ADAMTS12: variants seen among roughly 807,000 people sequenced by gnomAD.
ADAMTS12 encodes A disintegrin and metalloproteinase with thrombospondin motifs 12.
Under a neutral mutation model 167.8 loss-of-function variants are expected in ADAMTS12, and 118 were observed. The ratio of observed to expected loss-of-function variants is 0.70; its 90% CI spans 0.61 to 0.82. The LOEUF (loss-of-function observed/expected upper bound fraction) is 0.82. Among genes scored for constraint, ADAMTS12 ranks in the 40% least tolerant of loss-of-function variants. The pLI is 0.00. For synonymous variants in ADAMTS12, 704 were observed against 716.9 expected, an observed-to-expected ratio of 0.98 and a Z score of 0.29; for missense variants, 1,916 against 1,998.8, an observed-to-expected ratio of 0.96 and a Z score of 0.79.
chr5:33,602,877 A>T (rs1738256684), intron 16 of ADAMTS12, among the ~76,000 whole-genome samples: 1 of 152,218 alleles, frequency 6.6e-6, no homozygotes, highest in Non-Finnish European at 1.5e-5. Context: ...GAACAGTCAA[A>T]CAATCTCCAG....
At chr5:33,595,826 A>G in intron 17 of ADAMTS12, 108 bp downstream of exon 17, 1 of 1,491,750 alleles carries the variant, frequency 6.7e-7, no homozygotes. Flanking sequence ...GTATTTATCC[A>G]AATAACAAAA....
At chr5:33,611,438 T>G (rs1317437903) in intron 16 of ADAMTS12, among the ~76,000 whole-genome samples, 1 of 152,140 alleles carries the variant, frequency 6.6e-6, no homozygotes, top group Non-Finnish European at 1.5e-5. Flanking sequence ...CATTCTCTAT[T>G]TTGCTAATAT....
At chr5:33,619,975 G>A (rs1305220403) in intron 14 of ADAMTS12, among the ~76,000 whole-genome samples, 1 of 152,184 alleles carries the variant, frequency 6.6e-6, no homozygotes, top group East Asian at 1.9e-4. Context: ...TTACAGGCGT[G>A]AGCCACTGCA....
chr5:33,865,839 T>G (rs540489435), intron 2 of ADAMTS12, among the ~76,000 whole-genome samples: 8 of 152,068 alleles, frequency 5.3e-5, no homozygotes, highest in Non-Finnish European at 1.0e-4. Context: ...GAGAATCAAA[T>G]CAAGAACTCA....
intron 2 of ADAMTS12, among the ~76,000 whole-genome samples, chr5:33,775,688 G>T (rs112315344): frequency 0.015 from 2,215 of 152,290 alleles, 22 homozygotes; most frequent in Middle Eastern, 0.027. Context: ...GCATTGAAGA[G>T]GGTAGGACAG....
At chr5:33,792,459 T>C (rs1746614124) in intron 2 of ADAMTS12, among the ~76,000 whole-genome samples, 1 of 152,256 alleles carries the variant, frequency 6.6e-6, no homozygotes. Flanking sequence ...TGAAAAGTAC[T>C]GGTTTTCCTT....
intron 2 of ADAMTS12, among the ~76,000 whole-genome samples, chr5:33,806,184 T>A (rs1747222638): frequency 6.6e-6 from 1 of 152,240 alleles, no homozygotes; most frequent in African/African-American, 2.4e-5. Flanking sequence ...TGAAGGAATG[T>A]TGTAAGCATT....
At chr5:33,610,721 T>C (rs1738687866) in intron 16 of ADAMTS12, among the ~76,000 whole-genome samples, 1 of 152,186 alleles carries the variant, frequency 6.6e-6, no homozygotes, top group Admixed American at 6.5e-5. Flanking sequence ...GTAGCATGTA[T>C]AAATAAATCA....
chr5:33,729,884 A>C (rs1037842764), intron 3 of ADAMTS12, among the ~76,000 whole-genome samples: 1 of 152,242 alleles, frequency 6.6e-6, no homozygotes, highest in Admixed American at 6.5e-5. Flanking sequence ...TTGTGTGTGG[A>C]TTATGAATCA....
At chr5:33,746,038 G>T (rs1218480088) in intron 3 of ADAMTS12, among the ~76,000 whole-genome samples, 3 of 151,848 alleles carry the variant, frequency 2.0e-5, no homozygotes, top group Non-Finnish European at 2.9e-5. Flanking sequence ...AAAAACAGAA[G>T]AAAAAATAAA....
rs538171414 is a variant in ADAMTS12, at chr5:33,761,597, T to A, written c.490-10049A>T. ...AATATTTATATCTACATCATGTCTC[T>A]AAAACAAAAAGACAAAGAAAGATTT... On this transcript the variant is annotated intron_variant, in intron 2 of 23. Coordinates refer to ENST00000504830, the MANE Select transcript of ADAMTS12 (RefSeq NM_030955.4). 2.4e-3 allele frequency among the ~76,000 whole-genome samples: 361 copies of A among 152,324 alleles called. 4 individuals carry two copies. Among genetic ancestry groups the A allele is most frequent in the African/African-American group, 8.3e-3 (346 of 41,572 alleles).
chr5:33,610,217 A>G (rs1738663470), intron 16 of ADAMTS12, among the ~76,000 whole-genome samples: 1 of 152,208 alleles, frequency 6.6e-6, no homozygotes, highest in African/African-American at 2.4e-5. Flanking sequence ...ACAAAAAAGA[A>G]AAACAAAATA....
At chr5:33,555,369 C>T (rs376665830) in intron 20 of ADAMTS12, among the ~76,000 whole-genome samples, 3 of 152,228 alleles carry the variant, frequency 2.0e-5, no homozygotes, top group East Asian at 3.9e-4. Context: ...CTCAGCCTCC[C>T]GAGTAGCTGG....
rs1444882119 is a variant in ADAMTS12 at position 33,641,978 on chromosome 5, A to T, written c.1573-23T>A. On this transcript the variant is annotated intron_variant, in intron 10 of 23. Transcript: ENST00000504830. ...CCACTGGAAAGGGAAGAGGCAGGAG[A>T]TGGCCGTATCAGGAAGGTTACCAGA... 3 of 1,592,220 alleles carry T rather than the reference A, an allele frequency of 1.9e-6. No individual in the cohort carries two copies. The Admixed American group carries it at 5.1e-5, about 27-fold the overall frequency.
chr5:33,888,420 TATG>T (rs977394311), intron 1 of ADAMTS12, among the ~76,000 whole-genome samples: 1 of 152,260 alleles, frequency 6.6e-6, no homozygotes, highest in African/African-American at 2.4e-5. Flanking sequence ...TCATAAACTT[TATG>T]ATAACTAATG....
chr5:33,592,257 A>C (rs1432078312), intron 17 of ADAMTS12, among the ~76,000 whole-genome samples: 2 of 138,292 alleles, frequency 1.4e-5, no homozygotes, highest in Non-Finnish European at 3.0e-5. Context: ...AAAACAAAAA[A>C]CAAAAAAACA....
At chr5:33,826,477 T>A (rs1362232040) in intron 2 of ADAMTS12, among the ~76,000 whole-genome samples, 3 of 152,130 alleles carry the variant, frequency 2.0e-5, no homozygotes, top group Non-Finnish European at 4.4e-5. Flanking sequence ...CATGTATGTA[T>A]GAATGTATGA....
At chr5:33,880,285 C>T (rs991896771) in intron 2 of ADAMTS12, among the ~76,000 whole-genome samples, 4 of 152,118 alleles carry the variant, frequency 2.6e-5, no homozygotes, top group Admixed American at 6.5e-5. Context: ...CTGGCATATT[C>T]GAATAATAAA....
chr5:33,713,142 T>C (rs1743464802), intron 3 of ADAMTS12, among the ~76,000 whole-genome samples: 1 of 152,162 alleles, frequency 6.6e-6, no homozygotes, highest in South Asian at 2.1e-4. Flanking sequence ...TCTTAGAGTT[T>C]GGTTCATAAT....
Sources: gnomAD v4.1 joint callset for allele counts (sites outside exome capture counted in the v4.1 genomes callset) on GRCh38, gnomAD v4.1.1 for gene constraint, MANE v1.5 for transcripts, NCBI Gene and HGNC (gene_info 2026-07-23, HGNC 2026-07-21) for gene names.